Variants in COL27A1 observed in about 807,000 individuals in gnomAD.
COL27A1 encodes the protein collagen alpha-1(XXVII) chain.
Under a neutral mutation model 251.3 loss-of-function variants are expected in COL27A1, and 106 were observed. The observed-to-expected ratio is 0.42, with a 90% CI of 0.36 to 0.50. The LOEUF is 0.50. Among genes scored for constraint, COL27A1 ranks in the 20% least tolerant of loss-of-function variants. The pLI, the probability that COL27A1 is intolerant of heterozygous loss-of-function variation, is 0.00. For missense variants in COL27A1, 2,325 were observed against 2,522.8 expected (o/e 0.92, Z 1.68); for synonymous variants, 1,000 against 986.3 (o/e 1.01, Z -0.26).
intron 2 of COL27A1, among the ~76,000 whole-genome samples, chr9:114,165,224 G>A (rs1281024893): frequency 6.6e-6 from 1 of 152,114 alleles, no homozygotes; most frequent in East Asian, 1.9e-4. Context: ...GTCTGCTATA[G>A]AACCATTATA....
chr9:114,236,538 C>T (rs951573305), intron 17 of COL27A1, among the ~76,000 whole-genome samples: 3 of 152,300 alleles, frequency 2.0e-5, no homozygotes, highest in African/African-American at 4.8e-5. Flanking sequence ...CTGGAACTCT[C>T]CCGGCCAGTC....
rs138572438 is a variant in COL27A1, at chr9:114,209,681, A to G, written c.2275A>G (p.Ile759Val). ...CCTTTCTTCTCTTTCCTAGGGCTAC[A>G]TTGGGCTCCCAGGGCTCTTCGGCCT... ...DPGPKGSRGY[I>V]GLPGLFGLPG... The change falls in exon 11 of 61, where the codon ATT becomes GTT. Residue 759 changes from isoleucine (I) to valine (V), a missense_variant. Ile to Val is a conservative substitution (Grantham distance 29). Transcript: ENST00000356083. 10 of 1,613,976 alleles carry G rather than the reference A, an allele frequency of 6.2e-6. No homozygotes were observed. The highest frequency in any genetic ancestry group is 2.2e-5 in the East Asian group (1 of 44,880).
Position 114,292,301 on chromosome 9 carries a change from A to G in COL27A1, c.4584+91A>G, listed in dbSNP as rs1827977872. On this transcript the variant is annotated intron_variant, in intron 49 of 60. Transcript: ENST00000356083. ...CATGTACAAACACATGCACACTCAT[A>G]CACACACACAAACACACTGACCCAG... 4.0e-6 allele frequency: 4 copies of G among 1,000,684 alleles called. No individual in the cohort carries two copies. In the Admixed American group the frequency reaches 9.1e-5, roughly 23 times the overall value. The allele number at this position is 1,000,684 out of a possible 1,614,324, so 62.0% of individuals were successfully genotyped here.
chr9:114,307,848 C>A, intron 59 of COL27A1, 70 bp downstream of exon 59: 1 of 1,113,468 alleles, frequency 9.0e-7, no homozygotes, highest in Non-Finnish European at 1.4e-6. Context: ...GGGCCACAAC[C>A]AACCCAGGTT....
At chr9:114,206,183 C>A (rs1448142301) in intron 9 of COL27A1, 69 bp from the exon 10 acceptor site, 2 of 1,506,182 alleles carry the variant, frequency 1.3e-6, no homozygotes, top group East Asian at 4.5e-5. Context: ...AGAGGCAGGA[C>A]TTGCCCCAGG....
intron 8 of COL27A1, 52 bp from the exon 9 acceptor site, chr9:114,205,707 A>G (rs374372644): frequency 2.0e-6 from 3 of 1,518,034 alleles, no homozygotes; most frequent in Non-Finnish European, 1.8e-6. Context: ...CCCCAGACCC[A>G]GAGCTGGGCA....
rs79501952 is a variant in COL27A1 at position 114,271,319 on chromosome 9, C to T, written c.3609+538C>T. 284 of 157,754 alleles carry T rather than the reference C, an allele frequency of 1.8e-3. 8 individuals are homozygous for T. In the East Asian group the frequency reaches 0.049, roughly 27 times the overall value. The allele number at this position is 157,754 out of a possible 1,614,324, so 9.8% of individuals were successfully genotyped here. A position where few individuals can be genotyped will look rare whatever the true frequency, so the allele number is the denominator to read the frequency against. ...TGAAGCAACTTGCCCAAGGACACACCGCTAGCAACTGGCACATCCAGGACC... is the reference window on the plus strand; with the variant it reads ...TGAAGCAACTTGCCCAAGGACACACTGCTAGCAACTGGCACATCCAGGACC... On this transcript the variant is annotated intron_variant, in intron 36 of 60. Transcript: ENST00000356083.
chr9:114,165,660 CCA>C (rs1419767876), intron 2 of COL27A1, among the ~76,000 whole-genome samples: 6 of 149,724 alleles, frequency 4.0e-5, no homozygotes, highest in Non-Finnish European at 8.9e-5. Flanking sequence ...ATCCATCCAT[CCA>C]TCCATCCATC....
intron 26 of COL27A1, 104 bp downstream of exon 26, chr9:114,252,750 G>A: frequency 7.1e-7 from 1 of 1,414,208 alleles, no homozygotes. Context: ...AGAATGACCA[G>A]CTCCCTCTTT....
At chr9:114,285,991 G>A (rs1827454595) in intron 41 of COL27A1, among the ~76,000 whole-genome samples, 2 of 152,238 alleles carry the variant, frequency 1.3e-5, no homozygotes, top group Non-Finnish European at 2.9e-5. Flanking sequence ...GGGAATGAGA[G>A]GTCAAGGTGG....
At chr9:114,222,177 G>A in intron 13 of COL27A1, 46 bp from the exon 14 acceptor site, 1 of 1,582,052 alleles carries the variant, frequency 6.3e-7, no homozygotes, top group Non-Finnish European at 8.7e-7. Context: ...AGGGGCCCTG[G>A]AGGGAGATGG....
chr9:114,193,724 G>A (rs1828908299), intron 5 of COL27A1, among the ~76,000 whole-genome samples: 1 of 152,026 alleles, frequency 6.6e-6, no homozygotes, highest in Non-Finnish European at 1.5e-5. Flanking sequence ...GTGGCTGTTC[G>A]TGCATTGAAC....
rs373679558 is a variant in COL27A1 at position 114,222,262 on chromosome 9, C to T, written c.2461C>T (p.Leu821Phe). Residue 821 changes from leucine to phenylalanine, a missense_variant, in exon 14 of 61, where the codon CTC becomes TTC. Transcript: ENST00000356083. ...GCCAGGCCCCCCTGGAGTCCCCGGC[C>T]TCATTGTAAGTACATTGATGCCTGG... ...GLPGPPGVPG[L>F]IGDLGVLGPI... 52 of 1,613,534 alleles carry T rather than the reference C, an allele frequency of 3.2e-5. No individual in the cohort carries two copies. In the South Asian group the frequency reaches 4.7e-4, roughly 15 times the overall value.
At chr9:114,245,148 G>GTTTTTT (rs779029948) in intron 23 of COL27A1, among the ~76,000 whole-genome samples, 2 of 101,334 alleles carry the variant, frequency 2.0e-5, no homozygotes, top group South Asian at 3.3e-4. Flanking sequence ...GTGCATTCTT[G>GTTTTTT]TTTTTTTTTT....
At chr9:114,278,414 ATAGTGATAG>A (rs1835655090) in intron 37 of COL27A1, among the ~76,000 whole-genome samples, 1 of 668 alleles carries the variant, frequency 1.5e-3, no homozygotes, top group Non-Finnish European at 3.1e-3. Context: ...GGTGGTGGTG[ATAGTGATAG>A]TGGTAATGAT....
chr9:114,291,173 G>A (rs963637819), intron 48 of COL27A1, among the ~76,000 whole-genome samples: 9 of 150,814 alleles, frequency 6.0e-5, no homozygotes, highest in Admixed American at 5.3e-4. Context: ...AGTTGTCCAC[G>A]GGCGCCCTCT....
intron 56 of COL27A1, among the ~76,000 whole-genome samples, chr9:114,304,266 G>A (rs948255069): frequency 9.9e-5 from 15 of 152,234 alleles, no homozygotes; most frequent in African/African-American, 3.1e-4. Context: ...GGATCATGGC[G>A]TTTAGGAACT....
At chr9:114,245,934 T>C (rs763159154) in intron 24 of COL27A1, 24 bp downstream of exon 24, 53 of 1,608,672 alleles carry the variant, frequency 3.3e-5, no homozygotes. Flanking sequence ...GGTCTCTGAA[T>C]GAGTGGCTCC....
intron 12 of COL27A1, 115 bp from the exon 13 acceptor site, chr9:114,219,676 G>A: frequency 1.3e-6 from 1 of 742,426 alleles, no homozygotes; most frequent in South Asian, 1.6e-5. Context: ...CCATGACCAA[G>A]GAGTGAGACT....
Sources: allele counts gnomAD v4.1 joint callset (sites outside exome capture counted in the v4.1 genomes callset), GRCh38; gene constraint gnomAD v4.1.1; transcripts MANE v1.5; gene names NCBI Gene and HGNC (gene_info 2026-07-23, HGNC 2026-07-21).